The following FAM98B variants were observed in gnomAD, a reference collection of about 807,000 sequenced individuals.
The protein encoded by FAM98B is tRNA-splicing ligase complex subunit FAM98B.
FAM98B carries 32 observed loss-of-function variants against 43.9 expected under a neutral mutation model. The ratio of observed to expected loss-of-function variants is 0.73; its 90% CI spans 0.55 to 0.98. The LOEUF (loss-of-function observed/expected upper bound fraction) is 0.98, where lower values mean the gene tolerates loss of function less well. Among genes scored for constraint, FAM98B ranks in the 50% least tolerant of loss-of-function variants. FAM98B has a pLI of 0.00. For missense variants in FAM98B, 514 were observed against 522.9 expected (o/e 0.98, Z 0.17); for synonymous variants, 190 against 174.0 (o/e 1.09, Z -0.72).
At position 38,465,408 on chromosome 15, in the gene FAM98B, G is replaced by C; in HGVS notation, c.352+5G>C. On this transcript the variant is annotated splice_donor_5th_base_variant and intron_variant, in intron 3 of 7. Coordinates refer to ENST00000397609, the MANE Select transcript of FAM98B (RefSeq NM_173611.4). Reference sequence around the variant, plus strand: ...AGGACTGTTTGAAACTTCTATGTAAGTTATCTTGAACATTTAAATGCATGT... The same window carrying C: ...AGGACTGTTTGAAACTTCTATGTAACTTATCTTGAACATTTAAATGCATGT... 1 of 1,577,534 alleles carries C rather than the reference G, an allele frequency of 6.3e-7. No individual in the cohort carries two copies. The highest frequency in any genetic ancestry group is 8.6e-7 in the Non-Finnish European group (1 of 1,164,906).
intron 6 of FAM98B, 83 bp downstream of exon 6, chr15:38,474,381 C>A: frequency 1.2e-6 from 1 of 859,948 alleles, no homozygotes; most frequent in Non-Finnish European, 1.9e-6. Context: ...TGTAACCATG[C>A]CACATTTGTA....
chr15:38,454,306 T>A, intron 1 of FAM98B, 74 bp downstream of exon 1: 1 of 1,495,572 alleles, frequency 6.7e-7, no homozygotes, highest in Non-Finnish European at 9.1e-7. Context: ...CCTACTTCCC[T>A]TGGGCCTCTG....
chr15:38,466,931 C>T (rs1057251347), intron 3 of FAM98B, among the ~76,000 whole-genome samples: 1 of 152,042 alleles, frequency 6.6e-6, no homozygotes, highest in Non-Finnish European at 1.5e-5. Flanking sequence ...AGATCCTTCT[C>T]CTCCTCCTCT....
intron 6 of FAM98B, 126 bp downstream of exon 6, chr15:38,474,424 A>C (rs1890168903): frequency 1.7e-6 from 1 of 586,824 alleles, no homozygotes; most frequent in South Asian, 3.2e-5. Context: ...TGCCCAGGCC[A>C]ACTACTGGTC....
intron 6 of FAM98B, among the ~76,000 whole-genome samples, chr15:38,476,373 A>T (rs895088237): frequency 1.9e-4 from 29 of 151,564 alleles, no homozygotes; most frequent in Non-Finnish European, 2.1e-4. Context: ...ATTGTGCCCT[A>T]CTAGATGGAC....
At chr15:38,461,357 G>A (rs951586612) in intron 1 of FAM98B, among the ~76,000 whole-genome samples, 5 of 152,094 alleles carry the variant, frequency 3.3e-5, no homozygotes, top group African/African-American at 9.7e-5. Flanking sequence ...CCTTTACTTG[G>A]CTGTATCAAC....
chr15:38,481,338 C>T lies in FAM98B; in HGVS notation c.776C>T (p.Ala259Val). The T allele has an allele frequency of 6.2e-7, 1 of 1,614,106 alleles. No individual in the cohort carries two copies. The highest frequency in any genetic ancestry group is 8.5e-7 in the Non-Finnish European group (1 of 1,180,020). The change falls in exon 7 of 8, where the codon GCT (alanine) becomes GTT (valine). Residue 259 changes from alanine (A) to valine (V), a missense_variant. By Grantham distance (64) the Ala-to-Val change is moderately conservative. This residue lies in a region of FAM98B where 469 missense variants were observed against 451.8 expected (regional missense o/e 1.04). Coordinates refer to ENST00000397609, the MANE Select transcript of FAM98B (RefSeq NM_173611.4). ...IARIYQPKRY[A>V]LSPKTTITMA... is the part of the protein sequence containing the mutation. ...AGAATTTATCAGCCTAAGCGTTATG[C>T]TTTGTCACCCAAGACAACGATTACA...
chr15:38,467,890 A>T (rs1433417009), intron 3 of FAM98B, among the ~76,000 whole-genome samples: 2 of 152,222 alleles, frequency 1.3e-5, no homozygotes, highest in African/African-American at 4.8e-5. Context: ...CAAAATAAAT[A>T]TACAGGACAT....
intron 1 of FAM98B, among the ~76,000 whole-genome samples, chr15:38,460,538 AT>A (rs1889930964): frequency 1.3e-5 from 2 of 152,208 alleles, no homozygotes; most frequent in Admixed American, 1.3e-4. Flanking sequence ...GCTCTACTGA[AT>A]TAGAATCTTT....
In FAM98B at chr15:38,474,329, G is replaced by C. The variant is rs747782955; in HGVS notation, c.729+31G>C. The C allele has an allele frequency of 4.7e-6, 7 of 1,479,854 alleles. No individual in the cohort carries two copies. In the East Asian group the frequency reaches 1.4e-4, roughly 29 times the overall value. 91.7% of individuals were successfully genotyped at this position (1,479,854 alleles called of 1,614,324 possible). A position where few individuals can be genotyped will look rare whatever the true frequency, so the allele number is the denominator to read the frequency against. ...GCTGTTTTCCCATATGTGTCCTGTA[G>C]GTGGTAGCCTATAACAGCTCTTCTG... On this transcript the variant is annotated intron_variant, in intron 6 of 7. Coordinates refer to ENST00000397609, the MANE Select transcript of FAM98B (RefSeq NM_173611.4).
At chr15:38,454,411 G>T (rs1028921304) in intron 1 of FAM98B, among the ~76,000 whole-genome samples, 179 bp downstream of exon 1, 1 of 152,260 alleles carries the variant, frequency 6.6e-6, no homozygotes. Context: ...ATCTATTTGG[G>T]GGGTGGAGCA....
At position 38,464,134 on chromosome 15, in the gene FAM98B, A is replaced by C. The variant is rs751600032; in HGVS notation, c.174A>C (p.Gln58His). ...AGCTCTGTATTTGGTTAGGCTCTCA[A>C]ATAAAATCATTATGCAACTTGGAAG... ...FSELCIWLGS[Q>H]IKSLCNLEES... Residue 58 changes from glutamine (Q) to histidine (H), a missense_variant, in exon 2 of 8, where the codon CAA (glutamine) becomes CAC (histidine). By Grantham distance (24) the Gln-to-His change is conservative. Around this residue, in one of 2 missense-constraint regions of FAM98B, gnomAD observed 469 missense variants for 451.8 expected, o/e 1.04. Transcript: ENST00000397609. 1.9e-6 allele frequency: 3 copies of C among 1,613,414 alleles called. No homozygotes were observed. The highest frequency in any genetic ancestry group is 2.5e-6 in the Non-Finnish European group (3 of 1,179,662).
intron 1 of FAM98B, among the ~76,000 whole-genome samples, chr15:38,457,599 G>A (rs1321588588): frequency 6.6e-6 from 1 of 152,172 alleles, no homozygotes; most frequent in Non-Finnish European, 1.5e-5. Flanking sequence ...AAGGGTGCAA[G>A]GGGGGCTGAG....
Position 38,460,260 on chromosome 15 carries a change from C to CGCAGAATG in FAM98B, c.72-3768_72-3761dup, listed in dbSNP as rs1423887324. The stretch of plus-strand genomic sequence containing the variant: ...TAGGAGCATGGTTATTCTCTGTAAA[C>CGCAGAATG]GCAGAATGGCATTGGAAATCAAAGC... On this transcript the variant is annotated intron_variant, in intron 1 of 7. Transcript: ENST00000397609. 1.3e-5 allele frequency among the ~76,000 whole-genome samples: 2 copies of CGCAGAATG among 152,132 alleles called. 1 individual carries two copies. Among genetic ancestry groups the CGCAGAATG allele is most frequent in the Admixed American group, 1.3e-4 (2 of 15,286 alleles).
At chr15:38,464,373 A>G (rs1278028311) in intron 2 of FAM98B, among the ~76,000 whole-genome samples, 196 bp downstream of exon 2, 2 of 152,214 alleles carry the variant, frequency 1.3e-5, no homozygotes, top group Non-Finnish European at 2.9e-5. Context: ...CTATAAAACT[A>G]TAAGCAATTA....
At chr15:38,462,474 T>C (rs1479790495) in intron 1 of FAM98B, among the ~76,000 whole-genome samples, 1 of 152,194 alleles carries the variant, frequency 6.6e-6, no homozygotes, top group Admixed American at 6.5e-5. Context: ...TATTGATATA[T>C]TGAGTAGGTG....
Position 38,484,363 on chromosome 15 carries a change from G to C in FAM98B, c.1006G>C (p.Gly336Arg), listed in dbSNP as rs1181522244. Residue 336 changes from glycine to arginine, a missense_variant, in exon 8 of 8, where the codon GGT becomes CGT. Gly to Arg is a moderately radical substitution (Grantham distance 125). This residue lies in a region of FAM98B where 469 missense variants were observed against 451.8 expected (regional missense o/e 1.04). Transcript: ENST00000397609. ...QKRQEGGGGR[G>R]GWGGGGGGGG... Reference sequence around the variant, plus strand: ...GAGACAAGAAGGCGGCGGTGGAAGGGGTGGTTGGGGTGGTGGTGGTGGAGG... The same window carrying C: ...GAGACAAGAAGGCGGCGGTGGAAGGCGTGGTTGGGGTGGTGGTGGTGGAGG... 1 of 1,528,264 alleles carries C rather than the reference G, an allele frequency of 6.5e-7. No homozygotes were observed. The allele number at this position is 1,528,264 out of a possible 1,614,324, so 94.7% of individuals were successfully genotyped here.
In FAM98B at chr15:38,464,119, T is replaced by A. The variant is rs1314684539; in HGVS notation, c.159T>A (p.Ile53=). ...CACCTGAATTTTCAGAGCTCTGTAT[T>A]TGGTTAGGCTCTCAAATAAAATCAT... is the stretch of plus-strand genomic sequence containing the variant. ...LSSPEFSELC[I]WLGSQIKSLC... is the part of the protein sequence containing the mutation. The change falls in exon 2 of 8, where the codon ATT becomes ATA. Residue 53 remains isoleucine (I), a synonymous_variant. Transcript: ENST00000397609. 1.9e-6 allele frequency: 3 copies of A among 1,613,534 alleles called. No individual in the cohort carries two copies. The highest frequency in any genetic ancestry group is 2.5e-6 in the Non-Finnish European group (3 of 1,179,746).
intron 6 of FAM98B, among the ~76,000 whole-genome samples, chr15:38,475,475 G>T (rs576961610): frequency 1.1e-4 from 16 of 152,310 alleles, no homozygotes; most frequent in African/African-American, 3.8e-4. Context: ...CTTTAGGGGA[G>T]AATCTGTTTC....
Sources: gnomAD v4.1 joint callset for allele counts (sites outside exome capture counted in the v4.1 genomes callset) on GRCh38, gnomAD v4.1.1 for gene constraint, gnomAD v4.1.1 regional missense constraint, MANE v1.5 for transcripts, NCBI Gene and HGNC (gene_info 2026-07-23, HGNC 2026-07-21) for gene names.